NLRP13: variants seen among roughly 807,000 people sequenced by gnomAD.
NLRP13 encodes NACHT, LRR and PYD domains-containing protein 13.
NLRP13 carries 82 observed loss-of-function variants against 94.4 expected under a neutral mutation model. The ratio of observed to expected loss-of-function variants is 0.87; its 90% CI spans 0.73 to 1.04. NLRP13 has a LOEUF of 1.04. Among genes scored for constraint, NLRP13 ranks in the 50% least tolerant of loss-of-function variants. The pLI, the probability that NLRP13 is intolerant of heterozygous loss-of-function variation, is 0.00. For synonymous variants in NLRP13, 553 were observed against 464.7 expected, an observed-to-expected ratio of 1.19 and a Z score of -2.45; for missense variants, 1,426 against 1,230.8, an observed-to-expected ratio of 1.16 and a Z score of -2.37.
chr19:55,930,345 A>C (rs967415116), intron 1 of NLRP13, among the ~76,000 whole-genome samples: 1 of 152,156 alleles, frequency 6.6e-6, no homozygotes, highest in African/African-American at 2.4e-5. Context: ...CCTTCTTATA[A>C]ATATAGTGAA....
At chr19:55,916,656 T>C (rs1157341470) in intron 4 of NLRP13, among the ~76,000 whole-genome samples, 1 of 152,180 alleles carries the variant, frequency 6.6e-6, no homozygotes, top group African/African-American at 2.4e-5. Flanking sequence ...TGAATTAATT[T>C]AGTCTGACAA....
intron 9 of NLRP13, among the ~76,000 whole-genome samples, chr19:55,899,608 C>T (rs1430181302): frequency 6.6e-6 from 1 of 152,074 alleles, no homozygotes; most frequent in Non-Finnish European, 1.5e-5. Flanking sequence ...GGTGAAACCC[C>T]ATCTCTACTA....
intron 10 of NLRP13, among the ~76,000 whole-genome samples, chr19:55,898,187 CA>C (rs1986063263): frequency 1.4e-5 from 2 of 146,670 alleles, no homozygotes; most frequent in Admixed American, 7.2e-5. Flanking sequence ...TATCATCTAG[CA>C]GGAGAGTTTT....
chr19:55,901,933 G>T (rs1355439246), intron 9 of NLRP13, 102 bp downstream of exon 9: 2 of 1,234,426 alleles, frequency 1.6e-6, no homozygotes, highest in Admixed American at 2.2e-5. Flanking sequence ...CAAAGAGCTT[G>T]TCCACGCCTC....
At chr19:55,925,814 T>G (rs1986953482) in intron 1 of NLRP13, among the ~76,000 whole-genome samples, 1 of 152,182 alleles carries the variant, frequency 6.6e-6, no homozygotes, top group Non-Finnish European at 1.5e-5. Context: ...TTACATGGCT[T>G]GTTCTGGTTA....
chr19:55,920,615 G>T (rs1231300114), intron 4 of NLRP13, among the ~76,000 whole-genome samples: 1 of 151,980 alleles, frequency 6.6e-6, no homozygotes, highest in Non-Finnish European at 1.5e-5. Context: ...CCCAAATGTT[G>T]GCAAGGATTC....
At chr19:55,901,840 AGGTCCCCCAGACACACACACATTCAC>A (rs1480283109) in intron 9 of NLRP13, among the ~76,000 whole-genome samples, 169 bp downstream of exon 9, 1 of 152,030 alleles carries the variant, frequency 6.6e-6, no homozygotes, top group Admixed American at 6.5e-5. Flanking sequence ...GCTGGTCTCG[AGGTCCCCCAGACACACACACATTCAC>A]GGTCCTCCCA....
rs201391091 is a variant in NLRP13, at chr19:55,907,947, C to T, written c.2292G>A (p.Ser764=). 1.1e-4 allele frequency: 169 copies of T among 1,594,512 alleles called. 1 individual carries two copies. Among genetic ancestry groups the T allele is most frequent in the South Asian group, 7.2e-4 (64 of 89,306 alleles). ...RCKVQKLTCK[S]VTPEWVLQDL... Reference sequence around the variant, plus strand: ...CCTGCAGAACCCACTCAGGAGTTACCGATTTGCACCTGAGGAAGGGAAGGG... The same window carrying T: ...CCTGCAGAACCCACTCAGGAGTTACTGATTTGCACCTGAGGAAGGGAAGGG... Residue 764 remains serine, a synonymous_variant, in exon 7 of 11, where the codon TCG becomes TCA. Transcript: ENST00000342929.
intron 7 of NLRP13, among the ~76,000 whole-genome samples, chr19:55,906,260 C>T (rs1290277047): frequency 7.4e-6 from 1 of 134,752 alleles, no homozygotes; most frequent in Non-Finnish European, 1.5e-5. Context: ...ATTGCTTGAA[C>T]CCAGGAGGTG....
At chr19:55,922,912 C>T (rs1328905207) in intron 4 of NLRP13, among the ~76,000 whole-genome samples, 2 of 152,130 alleles carry the variant, frequency 1.3e-5, no homozygotes, top group Non-Finnish European at 2.9e-5. Flanking sequence ...TCAGAAGTAG[C>T]CCCAAAGAGT....
intron 4 of NLRP13, among the ~76,000 whole-genome samples, chr19:55,923,341 G>T (rs1986884421): frequency 6.6e-6 from 1 of 152,114 alleles, no homozygotes; most frequent in Non-Finnish European, 1.5e-5. Flanking sequence ...GGGGAGAGGG[G>T]GTTGCAAAGC....
chr19:55,924,667 A>G lies in NLRP13; in HGVS notation c.389-9T>C. The G allele has an allele frequency of 6.2e-7, 1 of 1,611,000 alleles. No individual in the cohort carries two copies. Among genetic ancestry groups the G allele is most frequent in the Non-Finnish European group, 8.5e-7 (1 of 1,177,336 alleles). ...CTGGGTCTGCATATTCCCTGAAATA[A>G]ACATTGACGATGAGATATGAAAATA... On this transcript the variant is annotated splice_polypyrimidine_tract_variant and intron_variant, in intron 2 of 10. Transcript: ENST00000342929.
At chr19:55,895,771 G>A (rs1031612482), downstream of NLRP13, among the ~76,000 whole-genome samples, 7 of 152,172 alleles carry the variant, frequency 4.6e-5, no homozygotes, top group African/African-American at 1.2e-4. Flanking sequence ...GATGCCGCTC[G>A]TGGCTACACA....
intron 5 of NLRP13, 85 bp downstream of exon 5, chr19:55,911,621 A>G (rs1266657643): frequency 7.8e-7 from 1 of 1,274,780 alleles, no homozygotes; most frequent in African/African-American, 1.5e-5. Flanking sequence ...TAACGACAAC[A>G]CATCCCTGGT....
chr19:55,916,553 T>C (rs1986680479), intron 4 of NLRP13, among the ~76,000 whole-genome samples: 2 of 152,100 alleles, frequency 1.3e-5, no homozygotes, highest in South Asian at 4.1e-4. Flanking sequence ...CTTCTGCAAG[T>C]GAAAAATTCA....
chr19:55,921,045 T>C lies in NLRP13; in HGVS notation c.523+2869A>G, dbSNP rs1008505374. On this transcript the variant is annotated intron_variant, in intron 4 of 10. Transcript: ENST00000342929. ...AACAAATACCGCAAGTTCTTACTTA[T>C]AAGTTGGAACTAAATCATGTGTACA... Among the ~76,000 whole-genome samples, 3 of 152,312 alleles carry C rather than the reference T, an allele frequency of 2.0e-5. No individual in the cohort carries two copies. The East Asian group carries it at 5.8e-4, about 29-fold the overall frequency.
At chr19:55,894,463 C>T (rs1490207073), downstream of NLRP13, among the ~76,000 whole-genome samples, 2 of 152,276 alleles carry the variant, frequency 1.3e-5, no homozygotes, top group Admixed American at 1.3e-4. Context: ...AGGGCCTTTG[C>T]ACATGCTACT....
intron 8 of NLRP13, among the ~76,000 whole-genome samples, chr19:55,903,669 A>G (rs1330237129): frequency 2.6e-5 from 4 of 151,998 alleles, no homozygotes; most frequent in Non-Finnish European, 5.9e-5. Context: ...GCATTGGAGA[A>G]TGGTCCCACC....
chr19:55,911,149 G>T (rs1986498027), intron 5 of NLRP13, among the ~76,000 whole-genome samples: 1 of 152,182 alleles, frequency 6.6e-6, no homozygotes, highest in African/African-American at 2.4e-5. Flanking sequence ...AGAGAAAGAT[G>T]AGCAAAGGAA....
Sources: allele counts gnomAD v4.1 joint callset (sites outside exome capture counted in the v4.1 genomes callset), GRCh38; gene constraint gnomAD v4.1.1; transcripts MANE v1.5; gene names NCBI Gene and HGNC (gene_info 2026-07-23, HGNC 2026-07-21).